Variants in GADL1 observed in about 807,000 individuals in gnomAD.
GADL1 encodes acidic amino acid decarboxylase GADL1.
In GADL1, 71 loss-of-function variants were observed where a neutral mutation model predicts 69.5. The ratio of observed to expected loss-of-function variants is 1.02; its 90% CI spans 0.84 to 1.25. The LOEUF is 1.25. Among genes scored for constraint, GADL1 ranks in the 50% most tolerant of loss-of-function variants. The probability of loss-of-function intolerance (pLI) is 0.00; values close to 1 mark genes in which losing one functional copy is unlikely to be tolerated. For synonymous variants in GADL1, 254 were observed against 214.4 expected (o/e 1.18, Z -1.62); for missense variants, 737 against 631.8 (o/e 1.17, Z -1.79).
chr3:30,776,101 T>A (rs1696530786), intron 14 of GADL1, among the ~76,000 whole-genome samples: 1 of 152,102 alleles, frequency 6.6e-6, no homozygotes, highest in Admixed American at 6.5e-5. Context: ...AAAAATGCAT[T>A]ATATTCTGTA....
At chr3:30,777,779 C>A (rs1696569491) in intron 14 of GADL1, among the ~76,000 whole-genome samples, 1 of 152,208 alleles carries the variant, frequency 6.6e-6, no homozygotes, top group Non-Finnish European at 1.5e-5. Context: ...AAGACAGTCT[C>A]ACGCTTACAA....
chr3:30,754,620 G>GAGC (rs1269507685), intron 14 of GADL1, among the ~76,000 whole-genome samples: 10 of 118,126 alleles, frequency 8.5e-5, no homozygotes, highest in African/African-American at 3.9e-4. Flanking sequence ...GACTGTAAAT[G>GAGC]AGCCAAGAAT....
intron 9 of GADL1, 110 bp downstream of exon 9, chr3:30,838,887 A>G (rs1049596207): frequency 1.6e-6 from 1 of 623,582 alleles, no homozygotes; most frequent in Non-Finnish European, 2.9e-6. Context: ...TTGAGACACA[A>G]ACAAAAGCGT....
At chr3:30,756,952 G>T (rs1695989577) in intron 14 of GADL1, among the ~76,000 whole-genome samples, 1 of 152,152 alleles carries the variant, frequency 6.6e-6, no homozygotes, top group Non-Finnish European at 1.5e-5. Flanking sequence ...CCATGGGGGG[G>T]ACATGTCAAA....
At chr3:30,811,479 G>A (rs1232705006) in intron 11 of GADL1, among the ~76,000 whole-genome samples, 1 of 152,024 alleles carries the variant, frequency 6.6e-6, no homozygotes. Flanking sequence ...TTTTCCCTAG[G>A]CAACAATCCA....
chr3:30,753,021 GGA>G (rs1430596474), intron 14 of GADL1, among the ~76,000 whole-genome samples: 4 of 152,116 alleles, frequency 2.6e-5, no homozygotes, highest in Admixed American at 1.3e-4. Context: ...GATTCCTAAA[GGA>G]GAGTCATAAC....
intron 11 of GADL1, among the ~76,000 whole-genome samples, chr3:30,831,345 G>T (rs1174864729): frequency 6.6e-6 from 1 of 151,714 alleles, no homozygotes; most frequent in African/African-American, 2.4e-5. Context: ...CTTTCTTAAA[G>T]AATTTTCACA....
intron 13 of GADL1, among the ~76,000 whole-genome samples, chr3:30,785,837 C>CT (rs1696777690): frequency 6.6e-6 from 1 of 152,140 alleles, no homozygotes; most frequent in South Asian, 2.1e-4. Context: ...TTTATATTTT[C>CT]TAAACATGTT....
intron 5 of GADL1, among the ~76,000 whole-genome samples, chr3:30,850,457 T>C (rs1698131659): frequency 6.6e-6 from 1 of 152,120 alleles, no homozygotes; most frequent in Admixed American, 6.6e-5. Flanking sequence ...AAAATTGAAA[T>C]AATATTTGTT....
chr3:30,866,489 C>T lies in GADL1; in HGVS notation c.38-4724G>A, dbSNP rs563133790. 9.2e-5 allele frequency among the ~76,000 whole-genome samples: 14 copies of T among 152,030 alleles called. No homozygotes were observed. In the South Asian group the frequency reaches 2.9e-3, roughly 32 times the overall value. On this transcript the variant is annotated intron_variant, in intron 1 of 14. Coordinates refer to ENST00000282538, the MANE Select transcript of GADL1 (RefSeq NM_207359.3). ...TAATAGTAATAATAGTACATAAATG[C>T]ATAAAGGAAACTTGCATGTGATGGT... is the stretch of plus-strand genomic sequence containing the variant.
chr3:30,736,268 C>T (rs1695540274), intron 14 of GADL1, among the ~76,000 whole-genome samples: 1 of 152,122 alleles, frequency 6.6e-6, no homozygotes, highest in Non-Finnish European at 1.5e-5. Flanking sequence ...CGACCATACA[C>T]AGACCAACAG....
chr3:30,850,050 A>G lies in GADL1; in HGVS notation c.597T>C (p.Ile199=), dbSNP rs373212550. 3.7e-6 allele frequency: 6 copies of G among 1,612,126 alleles called. No individual in the cohort carries two copies. The African/African-American group carries it at 5.3e-5, about 14-fold the overall frequency. Residue 199 remains isoleucine (I), a synonymous_variant, in exon 6 of 15, where the codon ATT becomes ATC. Transcript: ENST00000282538. The part of the protein sequence containing the change: ...NLARYKYCPD[I]KEKGLSGSPR... ...GCGAACCAGACAGCCCCTTTTCCTT[A>G]ATATCAGGACAATATTTGTATCTAG...
In GADL1 at chr3:30,770,575, A is replaced by G. The variant is rs143802936; in HGVS notation, c.1392+7604T>C. Among the ~76,000 whole-genome samples, 530 of 145,118 alleles carry G rather than the reference A, an allele frequency of 3.7e-3. 2 individuals are homozygous for G. The highest frequency in any genetic ancestry group is 0.014 in the African/African-American group (481 of 35,476). On this transcript the variant is annotated intron_variant, in intron 14 of 14. Transcript: ENST00000282538. ...AGGGTGCCCAGTGGATCAGTAGGTC[A>G]CAAGTGAACAAGTGTTTACTGTTAG...
chr3:30,863,027 TCACACACA>T lies in GADL1; in HGVS notation c.38-1270_38-1263del, dbSNP rs397875196. Among the ~76,000 whole-genome samples, 45 of 110,142 alleles carry T rather than the reference TCACACACA, an allele frequency of 4.1e-4. 1 individual carries two copies. In the Admixed American group the frequency reaches 4.4e-3, roughly 11 times the overall value. 72.3% of individuals were successfully genotyped at this position (110,142 alleles called of 152,430 possible). A position where few individuals can be genotyped will look rare whatever the true frequency, so the allele number is the denominator to read the frequency against. ...TCGTAAACATAAGCCCATGTCTGTT[TCACACACA>T]CACACACACACACACACACTCTCTC... On this transcript the variant is annotated intron_variant, in intron 1 of 14. Coordinates refer to ENST00000282538, the MANE Select transcript of GADL1 (RefSeq NM_207359.3).
rs559333150 is a variant in GADL1 at position 30,855,568 on chromosome 3, C to T, written c.338-779G>A. 1.7e-4 allele frequency among the ~76,000 whole-genome samples: 26 copies of T among 152,064 alleles called. No individual in the cohort carries two copies. In the South Asian group the frequency reaches 5.4e-3, roughly 32 times the overall value. On this transcript the variant is annotated intron_variant, in intron 3 of 14. Coordinates refer to ENST00000282538, the MANE Select transcript of GADL1 (RefSeq NM_207359.3). ...TGATTCAATTTGCTTGAAATGCAAT[C>T]GCCTTTAAGAGACAAACAATGGCTT...
chr3:30,818,003 G>C (rs369961070), intron 11 of GADL1, among the ~76,000 whole-genome samples: 8 of 151,978 alleles, frequency 5.3e-5, no homozygotes, highest in African/African-American at 9.7e-5. Flanking sequence ...TTTAAAATTC[G>C]GCAATCTGCT....
rs1696681363 is a variant in GADL1 at position 30,782,244 on chromosome 3, T to TG, written c.1303-3977_1303-3976insC. On this transcript the variant is annotated intron_variant, in intron 13 of 14. Transcript: ENST00000282538. ...ATAGATCTCATCTTTGAAAAGCTGC[T>TG]CTAGCAGCAGTGTGGCAGTTAGGCT... Among the ~76,000 whole-genome samples the TG allele has an allele frequency of 2.6e-5, 4 of 152,274 alleles. No homozygotes were observed. The South Asian group carries it at 8.3e-4, about 32-fold the overall frequency.
intron 4 of GADL1, among the ~76,000 whole-genome samples, chr3:30,852,122 TTTGGA>T (rs1180062703): frequency 1.3e-5 from 2 of 152,120 alleles, no homozygotes; most frequent in Admixed American, 1.3e-4. Context: ...AAAGGAAAAC[TTTGGA>T]TTGAGGCATA....
At chr3:30,750,519 G>T (rs1417744332) in intron 14 of GADL1, among the ~76,000 whole-genome samples, 1 of 152,108 alleles carries the variant, frequency 6.6e-6, no homozygotes, top group East Asian at 1.9e-4. Context: ...CATTGCAAAG[G>T]CAAGGTTATG....
Sources: gnomAD v4.1 joint callset for allele counts (sites outside exome capture counted in the v4.1 genomes callset) on GRCh38, gnomAD v4.1.1 for gene constraint, MANE v1.5 for transcripts, NCBI Gene and HGNC (gene_info 2026-07-23, HGNC 2026-07-21) for gene names.